The following SLC43A3 variants were observed in gnomAD, a reference collection of about 807,000 sequenced individuals.
SLC43A3 encodes the protein solute carrier family 43 member 3, also known as equilibrative nucleobase transporter 1.
Under a neutral mutation model 53.3 loss-of-function variants are expected in SLC43A3, and 33 were observed. The observed-to-expected ratio is 0.62, with a 90% CI of 0.47 to 0.83. SLC43A3 has a LOEUF of 0.83. Among genes scored for constraint, SLC43A3 ranks in the 40% least tolerant of loss-of-function variants. The pLI, the probability that SLC43A3 is intolerant of heterozygous loss-of-function variation, is 0.00. For missense variants in SLC43A3, 530 were observed against 610.0 expected (o/e 0.87, Z 1.38); for synonymous variants, 236 against 246.2 (o/e 0.96, Z 0.39).
rs1216653182 is a variant in SLC43A3 at position 57,407,260 on chromosome 11, C to T, written c.*532G>A. 6.5e-5 allele frequency: 10 copies of T among 154,080 alleles called. No homozygotes were observed. The highest frequency in any genetic ancestry group is 2.4e-4 in the African/African-American group (10 of 41,452). 9.5% of individuals were successfully genotyped at this position (154,080 alleles called of 1,614,324 possible). A position where few individuals can be genotyped will look rare whatever the true frequency, so the allele number is the denominator to read the frequency against. On this transcript the variant is annotated 3_prime_UTR_variant, in exon 14 of 14. Coordinates refer to ENST00000395124, the MANE Select transcript of SLC43A3 (RefSeq NM_199329.3). ...AGACCAGGGTCAGGCCAAGGTCATCCAGCATCAGTGGCTGGGCTGAGACTG... is the reference window on the plus strand; with the variant it reads ...AGACCAGGGTCAGGCCAAGGTCATCTAGCATCAGTGGCTGGGCTGAGACTG...
intron 10 of SLC43A3, 58 bp downstream of exon 10, chr11:57,414,875 G>A: frequency 2.5e-6 from 4 of 1,590,552 alleles, no homozygotes; most frequent in Non-Finnish European, 3.4e-6. Context: ...CCTGCTGGGA[G>A]GCTCTGTGTT....
Position 57,414,644 on chromosome 11 carries a change from T to A in SLC43A3, c.1031A>T (p.Gln344Leu). 6.2e-7 allele frequency: 1 copy of A among 1,613,816 alleles called. No homozygotes were observed. The highest frequency in any genetic ancestry group is 8.5e-7 in the Non-Finnish European group (1 of 1,179,760). The change falls in exon 11 of 14, where the codon CAG becomes CTG. Residue 344 changes from glutamine (Q) to leucine (L), a missense_variant. Around this residue, in one of 3 missense-constraint regions of SLC43A3, gnomAD observed 376 missense variants for 386.7 expected, o/e 0.97. Coordinates refer to ENST00000395124, the MANE Select transcript of SLC43A3 (RefSeq NM_199329.3). ...WNGLLMDRLK[Q>L]KYQKEARKTG... ...CTTTCTTGCTTCCTTCTGGTACTTC[T>A]GTTTAAGCCGGTCCATGAGCAGGCC...
chr11:57,426,456 C>T (rs757481723), intron 2 of SLC43A3, 104 bp from the exon 3 acceptor site: 4 of 446,902 alleles, frequency 9.0e-6, no homozygotes, highest in South Asian at 3.6e-5. Context: ...ATGATCATGG[C>T]CGCTGGCAGC....
At chr11:57,409,807 T>C (rs920451621) in intron 12 of SLC43A3, 128 bp downstream of exon 12, 20 of 833,308 alleles carry the variant, frequency 2.4e-5, no homozygotes, top group Non-Finnish European at 3.5e-5. Flanking sequence ...CCTCCACACC[T>C]GCCCCCAAAC....
At chr11:57,420,933 T>C (rs908507760) in intron 7 of SLC43A3, 39 bp downstream of exon 7, 5 of 1,355,966 alleles carry the variant, frequency 3.7e-6, no homozygotes, top group Non-Finnish European at 5.3e-6. Flanking sequence ...GTCTGGCATA[T>C]ACAAGTGCCC....
rs1554973765 is a variant in SLC43A3, at chr11:57,419,816, A to AAG, written c.531+1154_531+1155dup. ...AACTCAATAATAAAAAAAAAAAAAA[A>AAG]AGAGAGAGGAAAGAAAGATGAGGCA... On this transcript the variant is annotated intron_variant, in intron 7 of 13. Transcript: ENST00000395124. Among the ~76,000 whole-genome samples the AAG allele has an allele frequency of 4.9e-3, 725 of 147,696 alleles. 6 individuals carry two copies. Among genetic ancestry groups the AAG allele is most frequent in the Admixed American group, 8.6e-3 (128 of 14,902 alleles).
chr11:57,425,511 C>T, intron 4 of SLC43A3, 30 bp downstream of exon 4: 2 of 1,607,784 alleles, frequency 1.2e-6, no homozygotes, highest in Non-Finnish European at 1.7e-6. Flanking sequence ...CTCTTACCCA[C>T]CTTTGCCTGG....
intron 2 of SLC43A3, 41 bp from the exon 3 acceptor site, chr11:57,426,393 C>T: frequency 8.9e-6 from 5 of 560,226 alleles, no homozygotes; most frequent in South Asian, 7.4e-5. Flanking sequence ...AGGAGGCCTG[C>T]GGGAAAGGGA....
In SLC43A3 at chr11:57,425,668, A is replaced by G. The variant is rs1943176650; in HGVS notation, c.187T>C (p.Cys63Arg). The G allele has an allele frequency of 4.3e-6, 7 of 1,614,062 alleles. No individual in the cohort carries two copies. Among genetic ancestry groups the G allele is most frequent in the Non-Finnish European group, 5.9e-6 (7 of 1,179,998 alleles). Residue 63 changes from cysteine (C) to arginine (R), a missense_variant and splice_region_variant, in exon 4 of 14, where the codon TGC becomes CGC. Transcript: ENST00000395124. ...GAGAACCTCTCATCCTGGGCTTTGC[A>G]GTCTGGAGTAGAAAAAAGGTCTCCC... ...PIGNATGQADCKAQDERFSLI... is the reference protein window; with the variant it reads ...PIGNATGQADRKAQDERFSLI...
At chr11:57,411,231 CAAATA>C (rs751449596) in intron 11 of SLC43A3, among the ~76,000 whole-genome samples, 19 of 151,844 alleles carry the variant, frequency 1.3e-4, no homozygotes, top group Non-Finnish European at 2.2e-4. Flanking sequence ...AAATGTTTTA[CAAATA>C]AAATAAAATA....
intron 9 of SLC43A3, 92 bp downstream of exon 9, chr11:57,416,481 G>C (rs1484365386): frequency 3.2e-6 from 3 of 931,458 alleles, no homozygotes; most frequent in Non-Finnish European, 5.1e-6. Context: ...CTGATTCTGG[G>C]TCCCTGGGGG....
chr11:57,415,407 CG>C, intron 9 of SLC43A3: 3 of 1,378,600 alleles, frequency 2.2e-6, no homozygotes, highest in Non-Finnish European at 2.9e-6. Context: ...TCTTTCTCAG[CG>C]AGAAAGGTGA....
chr11:57,415,395 G>A (rs1942674456), intron 9 of SLC43A3: 2 of 1,408,200 alleles, frequency 1.4e-6, no homozygotes, highest in African/African-American at 1.4e-5. Context: ...ATACCTTCCT[G>A]ATCTTTCTCA....
At chr11:57,422,322 TAG>T in intron 5 of SLC43A3, among the ~76,000 whole-genome samples, 2 of 152,236 alleles carry the variant, frequency 1.3e-5, no homozygotes, top group Non-Finnish European at 2.9e-5. Context: ...CATTTGACCT[TAG>T]AATGTTCAAA....
At chr11:57,412,312 A>C (rs957668901) in intron 11 of SLC43A3, among the ~76,000 whole-genome samples, 7 of 152,364 alleles carry the variant, frequency 4.6e-5, no homozygotes, top group Middle Eastern at 6.8e-3. Flanking sequence ...ATCATGACAG[A>C]ACAGATTAAA....
Position 57,423,965 on chromosome 11 carries a change from CACCT to C in SLC43A3, c.361+13_361+16del. ...CCTCTGAGCTTGCATCCCTCCCACC[CACCT>C]GACAGCACTCACCTGCAGAGGTGAA... On this transcript the variant is annotated intron_variant, in intron 5 of 13. Transcript: ENST00000395124. The C allele has an allele frequency of 6.2e-7, 1 of 1,614,026 alleles. No homozygotes were observed. The highest frequency in any genetic ancestry group is 8.5e-7 in the Non-Finnish European group (1 of 1,179,888).
chr11:57,423,290 G>T lies in SLC43A3; in HGVS notation c.361+692C>A, dbSNP rs190596183. 1.4e-4 allele frequency among the ~76,000 whole-genome samples: 22 copies of T among 152,208 alleles called. No individual in the cohort carries two copies. In the East Asian group the frequency reaches 4.2e-3, roughly 29 times the overall value. On this transcript the variant is annotated intron_variant, in intron 5 of 13. Transcript: ENST00000395124. ...AAAACAAAGATTTTGAGTACAATAG[G>T]GTTGTCAACTTTTACCCTGCTAAGT...
chr11:57,425,843 A>T, intron 3 of SLC43A3, 146 bp downstream of exon 3: 1 of 1,346,218 alleles, frequency 7.4e-7, no homozygotes, highest in South Asian at 1.4e-5. Context: ...CCTCCCAGGC[A>T]CTTCCCAGAT....
chr11:57,414,725 G>C lies in SLC43A3; in HGVS notation c.950C>G (p.Thr317Ser), dbSNP rs780529332. ...MAGGDMARVS[T>S]YTNAFAFTQF... ...AGTGAAGGCAAAGGCATTTGTGTAGGTGCTGACTGCAGAAGGAAGAGAGAG... is the reference window on the plus strand; with the variant it reads ...AGTGAAGGCAAAGGCATTTGTGTAGCTGCTGACTGCAGAAGGAAGAGAGAG... Residue 317 changes from threonine (T) to serine (S), a missense_variant, in exon 11 of 14, where the codon ACC (threonine) becomes AGC (serine). Physicochemically the swap from Thr to Ser is moderately conservative, Grantham distance 58. Coordinates refer to ENST00000395124, the MANE Select transcript of SLC43A3 (RefSeq NM_199329.3). The C allele has an allele frequency of 1.9e-6, 3 of 1,613,186 alleles. No individual in the cohort carries two copies. The East Asian group carries it at 6.7e-5, about 36-fold the overall frequency.
Sources: allele counts gnomAD v4.1 joint callset (sites outside exome capture counted in the v4.1 genomes callset), GRCh38; gene constraint gnomAD v4.1.1; regional missense constraint gnomAD v4.1.1; transcripts MANE v1.5; gene names NCBI Gene and HGNC (gene_info 2026-07-23, HGNC 2026-07-21).